Variants in PDZD2 observed in about 807,000 individuals in gnomAD.
PDZD2 encodes PDZ domain containing 2, also known as PDZ domain-containing protein 2.
PDZD2 carries 90 observed loss-of-function variants against 220.7 expected under a neutral mutation model. The observed-to-expected ratio is 0.41, with a 90% CI of 0.34 to 0.49. The LOEUF (loss-of-function observed/expected upper bound fraction) is 0.49. Ranked by LOEUF, PDZD2 falls within the 20% of genes least tolerant of loss-of-function variation. PDZD2 has a pLI of 0.28. For synonymous variants in PDZD2, 1,375 were observed against 1,450.5 expected (o/e 0.95, Z 1.18); for missense variants, 3,174 against 3,608.5 (o/e 0.88, Z 3.08).
At chr5:31,849,971 TATATATAC>T (rs1757884302) in intron 2 of PDZD2, among the ~76,000 whole-genome samples, 1 of 32,734 alleles carries the variant, frequency 3.1e-5, no homozygotes, top group African/African-American at 2.4e-4. Context: ...TACACATATA[TATATATAC>T]ATATATATAT....
At chr5:31,811,638 A>G (rs753390975) in intron 2 of PDZD2, among the ~76,000 whole-genome samples, 7 of 152,172 alleles carry the variant, frequency 4.6e-5, no homozygotes, top group Non-Finnish European at 8.8e-5. Flanking sequence ...ATCTTCACAA[A>G]TATTCCTGAA....
intron 2 of PDZD2, chr5:31,822,867 G>T (rs1188629188): frequency 2.5e-6 from 2 of 785,498 alleles, no homozygotes; most frequent in Non-Finnish European, 4.3e-6. Context: ...ACCTCATCTT[G>T]TAACGGAAGC....
At chr5:31,666,530 T>G (rs1745993706) in intron 1 of PDZD2, among the ~76,000 whole-genome samples, 1 of 152,266 alleles carries the variant, frequency 6.6e-6, no homozygotes, top group Non-Finnish European at 1.5e-5. Flanking sequence ...TGGTTGCTTC[T>G]ACTGTTTAGG....
intron 1 of PDZD2, among the ~76,000 whole-genome samples, chr5:31,708,740 G>T (rs188013763): frequency 7.2e-5 from 11 of 152,288 alleles, no homozygotes; most frequent in Admixed American, 7.2e-4. Context: ...ATGGTATTGG[G>T]CCAAAGTCAA....
At chr5:32,001,652 C>G (rs1752116454) in intron 5 of PDZD2, among the ~76,000 whole-genome samples, 1 of 152,228 alleles carries the variant, frequency 6.6e-6, no homozygotes, top group South Asian at 2.1e-4. Flanking sequence ...GTGCCCAATT[C>G]TGAGCCTCAG....
intron 1 of PDZD2, among the ~76,000 whole-genome samples, chr5:31,780,679 T>C (rs915878898): frequency 1.3e-5 from 2 of 152,100 alleles, no homozygotes; most frequent in Non-Finnish European, 1.5e-5. Flanking sequence ...AGCACACATA[T>C]AACAGGATGT....
chr5:32,040,621 G>A (rs561363182), intron 7 of PDZD2, among the ~76,000 whole-genome samples: 57 of 143,262 alleles, frequency 4.0e-4, no homozygotes, highest in Middle Eastern at 4.2e-3. Context: ...GCCTCTGCCC[G>A]GCCGCCCCGT....
chr5:31,883,699 A>G (rs955822847), intron 2 of PDZD2, among the ~76,000 whole-genome samples: 2 of 150,086 alleles, frequency 1.3e-5, no homozygotes, highest in South Asian at 4.2e-4. Context: ...GCTCATTGCA[A>G]CTTCCACCTC....
rs183762841 is a variant in PDZD2, at chr5:31,737,508, C to T, written c.-360-61381C>T. 6.5e-4 allele frequency among the ~76,000 whole-genome samples: 99 copies of T among 152,248 alleles called. 1 individual carries two copies. Among genetic ancestry groups the T allele is most frequent in the Non-Finnish European group, 1.1e-3 (78 of 68,006 alleles). ...CTTCTTATAGGGAAAGGATCTGAGG[C>T]CAGTCCTGCTACTGTACAGCGTTCA... On this transcript the variant is annotated intron_variant, in intron 1 of 24. Coordinates refer to ENST00000438447, the MANE Select transcript of PDZD2 (RefSeq NM_178140.4).
chr5:31,752,077 T>TTTTTTTTTTTTTTTG (rs1751026446), intron 1 of PDZD2, among the ~76,000 whole-genome samples: 1 of 118,126 alleles, frequency 8.5e-6, no homozygotes, highest in South Asian at 2.5e-4. Flanking sequence ...GGGTTTGTTT[T>TTTTTTTTTTTTTTTG]TTTTTTTTTT....
At chr5:31,881,174 C>G (rs192737167) in intron 2 of PDZD2, among the ~76,000 whole-genome samples, 40 of 152,042 alleles carry the variant, frequency 2.6e-4, no homozygotes, top group Admixed American at 2.5e-3. Context: ...GAAAGCTGTT[C>G]ATAAATCTTT....
At chr5:31,753,510 G>A (rs1751132153) in intron 1 of PDZD2, among the ~76,000 whole-genome samples, 1 of 152,174 alleles carries the variant, frequency 6.6e-6, no homozygotes, top group South Asian at 2.1e-4. Context: ...TGAGGCACAA[G>A]AATTGCTTGA....
chr5:31,776,321 C>T (rs1230627822), intron 1 of PDZD2, among the ~76,000 whole-genome samples: 1 of 152,128 alleles, frequency 6.6e-6, no homozygotes, highest in Non-Finnish European at 1.5e-5. Flanking sequence ...CTCCCCTATC[C>T]AGGCAGTCAC....
At chr5:32,065,746 C>T (rs992203189) in intron 14 of PDZD2, among the ~76,000 whole-genome samples, 3 of 152,208 alleles carry the variant, frequency 2.0e-5, no homozygotes, top group Admixed American at 6.5e-5. Context: ...AAAACCAGGC[C>T]GGGCTCTGTG....
chr5:31,811,231 C>T (rs1755092246), intron 2 of PDZD2, among the ~76,000 whole-genome samples: 1 of 152,220 alleles, frequency 6.6e-6, no homozygotes, highest in African/African-American at 2.4e-5. Flanking sequence ...AGTGATCCAC[C>T]CACCTCGGCC....
intron 2 of PDZD2, among the ~76,000 whole-genome samples, chr5:31,868,975 G>C (rs1738489736): frequency 6.6e-6 from 1 of 152,126 alleles, no homozygotes; most frequent in Non-Finnish European, 1.5e-5. Context: ...GCTTTGCCAT[G>C]TTGCACAGGC....
chr5:32,019,395 C>T (rs1403122684), intron 6 of PDZD2, among the ~76,000 whole-genome samples: 3 of 152,202 alleles, frequency 2.0e-5, no homozygotes, highest in African/African-American at 7.2e-5. Context: ...CCTCCCGTCT[C>T]AGCCTCCCAA....
intron 2 of PDZD2, among the ~76,000 whole-genome samples, chr5:31,834,912 C>G (rs1289490918): frequency 7.1e-6 from 1 of 139,874 alleles, no homozygotes; most frequent in African/African-American, 2.6e-5. Context: ...ATATATATAA[C>G]TAGATATATA....
chr5:32,108,407 G>T lies in PDZD2; in HGVS notation c.*272G>T, dbSNP rs1745011262. 4.1e-6 allele frequency: 1 copy of T among 242,702 alleles called. No individual in the cohort carries two copies. The highest frequency in any genetic ancestry group is 7.9e-6 in the Non-Finnish European group (1 of 127,240). The allele number at this position is 242,702 out of a possible 1,614,324, so 15.0% of individuals were successfully genotyped here. The stretch of plus-strand genomic sequence containing the variant: ...CCTTTATGTTATGTTTACTGATGGG[G>T]ATACAAGATGTGACACACCCTTCTT... On this transcript the variant is annotated 3_prime_UTR_variant, in exon 25 of 25. Transcript: ENST00000438447.
Sources: allele counts gnomAD v4.1 joint callset (sites outside exome capture counted in the v4.1 genomes callset), GRCh38; gene constraint gnomAD v4.1.1; transcripts MANE v1.5; gene names NCBI Gene and HGNC (gene_info 2026-07-23, HGNC 2026-07-21).